The following NSUN3 variants were observed in gnomAD, a reference collection of about 807,000 sequenced individuals.
NSUN3 encodes tRNA (cytosine(34)-C(5))-methyltransferase, mitochondrial.
In NSUN3, 24 loss-of-function variants were observed where a neutral mutation model predicts 36.8. The observed-to-expected ratio is 0.65, with a 90% CI of 0.47 to 0.92. The LOEUF (loss-of-function observed/expected upper bound fraction) is 0.92. Among genes scored for constraint, NSUN3 ranks in the 40% least tolerant of loss-of-function variants. NSUN3 has a pLI of 0.00. For missense variants in NSUN3, 381 were observed against 392.8 expected (o/e 0.97, Z 0.25); for synonymous variants, 146 against 145.2 (o/e 1.01, Z -0.04).
At chr3:94,123,579 T>A (rs1263834004) in intron 5 of NSUN3, among the ~76,000 whole-genome samples, 1 of 152,162 alleles carries the variant, frequency 6.6e-6, no homozygotes, top group African/African-American at 2.4e-5. Context: ...GGGTGTTTTT[T>A]ATTCATTATA....
At chr3:94,087,752 C>G (rs1055243749) in intron 3 of NSUN3, among the ~76,000 whole-genome samples, 4 of 152,122 alleles carry the variant, frequency 2.6e-5, no homozygotes, top group Non-Finnish European at 4.4e-5. Flanking sequence ...CTCACTGCAG[C>G]CTTGACTTCC....
rs754390863 is a variant in NSUN3 at position 94,129,742 on chromosome 3, C to CTTTTTTTTTTTTT, written c.*3265_*3277dup. On this transcript the variant is annotated 3_prime_UTR_variant, in exon 6 of 6. Coordinates refer to ENST00000314622, the MANE Select transcript of NSUN3 (RefSeq NM_022072.5). ...TCTATAAATTGTTTATATATGTTGT[C>CTTTTTTTTTTTTT]TTTTTTTTTTTTTTTTTTTTTTTTT... Among the ~76,000 whole-genome samples, 2 of 89,926 alleles carry CTTTTTTTTTTTTT rather than the reference C, an allele frequency of 2.2e-5. No homozygotes were observed. The highest frequency in any genetic ancestry group is 4.2e-5 in the Non-Finnish European group (2 of 47,806). The allele number at this position is 89,926 out of a possible 152,430, so 59.0% of individuals were successfully genotyped here.
intron 3 of NSUN3, among the ~76,000 whole-genome samples, chr3:94,091,410 G>A (rs2077314464): frequency 6.6e-6 from 1 of 152,132 alleles, no homozygotes; most frequent in African/African-American, 2.4e-5. Context: ...AAAAAAGAAA[G>A]CCATCCAAGA....
At chr3:94,094,058 T>C (rs989685260) in intron 3 of NSUN3, 82 bp from the exon 4 acceptor site, 14 of 1,003,044 alleles carry the variant, frequency 1.4e-5, no homozygotes, top group African/African-American at 1.1e-4. Context: ...AGTTAATTTC[T>C]TTCTGAAATT....
rs2077490770 is a variant in NSUN3, at chr3:94,127,153, G to A, written c.*663G>A. 6.6e-6 allele frequency: 1 copy of A among 152,106 alleles called. No homozygotes were observed. The highest frequency in any genetic ancestry group is 1.5e-5 in the Non-Finnish European group (1 of 68,030). 9.4% of individuals were successfully genotyped at this position (152,106 alleles called of 1,614,324 possible). A position where few individuals can be genotyped will look rare whatever the true frequency, so the allele number is the denominator to read the frequency against. On this transcript the variant is annotated 3_prime_UTR_variant, in exon 6 of 6. Transcript: ENST00000314622. ...GGTAAATTATATTGAAAGGCCTTTA[G>A]AACAGCAGATTCACATGCACATGTT...
chr3:94,125,032 C>A (rs1018541011), intron 5 of NSUN3, among the ~76,000 whole-genome samples: 8 of 152,146 alleles, frequency 5.3e-5, no homozygotes, highest in Non-Finnish European at 1.0e-4. Flanking sequence ...ACCTTAACTT[C>A]CAAATACTTC....
intron 5 of NSUN3, among the ~76,000 whole-genome samples, chr3:94,109,227 A>G (rs906957275): frequency 6.6e-6 from 1 of 152,158 alleles, no homozygotes; most frequent in Non-Finnish European, 1.5e-5. Flanking sequence ...TTAAAAGGAA[A>G]TTTTATGATT....
At position 94,084,275 on chromosome 3, in the gene NSUN3, G is replaced by A. The variant is rs774474908; in HGVS notation, c.291G>A (p.Pro97=). 29 of 1,613,870 alleles carry A rather than the reference G, an allele frequency of 1.8e-5. No individual in the cohort carries two copies. Among genetic ancestry groups the A allele is most frequent in the East Asian group, 4.5e-5 (2 of 44,870 alleles). The change falls in exon 3 of 6, where the codon CCG becomes CCA. Residue 97 remains proline, a synonymous_variant. Transcript: ENST00000314622. ...KSVKCYLSRT[P]GRIPSERHQI... ...TGAAGTGTTACCTTAGCAGAACTCC[G>A]GGCCGAATCCCTTCAGAAAGACACC... is the stretch of plus-strand genomic sequence containing the variant.
intron 5 of NSUN3, among the ~76,000 whole-genome samples, chr3:94,098,237 A>G (rs1233725773): frequency 6.6e-6 from 1 of 152,098 alleles, no homozygotes; most frequent in African/African-American, 2.4e-5. Flanking sequence ...TGTACCTATT[A>G]CATGTGTCTC....
intron 5 of NSUN3, among the ~76,000 whole-genome samples, chr3:94,120,461 C>G (rs1454725979): frequency 6.6e-6 from 1 of 152,186 alleles, no homozygotes. Context: ...CACCATTCTA[C>G]TTTCTGTCTC....
rs79365649 is a variant in NSUN3 at position 94,111,035 on chromosome 3, G to T, written c.744-15176G>T. ...AAACATAGATGATTACATAAACCTA[G>T]ATGATACAGCCTACTACTACACACC... On this transcript the variant is annotated intron_variant, in intron 5 of 5. Coordinates refer to ENST00000314622, the MANE Select transcript of NSUN3 (RefSeq NM_022072.5). Among the ~76,000 whole-genome samples the T allele has an allele frequency of 2.9e-4, 44 of 152,218 alleles. No individual in the cohort carries two copies. In the East Asian group the frequency reaches 8.3e-3, roughly 29 times the overall value.
chr3:94,081,436 A>C (rs1178054049), intron 2 of NSUN3, among the ~76,000 whole-genome samples: 3 of 152,184 alleles, frequency 2.0e-5, no homozygotes, highest in Admixed American at 2.0e-4. Flanking sequence ...ATGGCTTCTC[A>C]TCACTTAGAA....
intron 5 of NSUN3, among the ~76,000 whole-genome samples, chr3:94,117,147 C>T (rs1021388162): frequency 4.6e-5 from 7 of 151,884 alleles, no homozygotes; most frequent in East Asian, 1.9e-4. Flanking sequence ...TATAGGCGCA[C>T]GCCACCACAC....
At chr3:94,070,973 A>G (rs2077223141) in intron 2 of NSUN3, among the ~76,000 whole-genome samples, 2 of 152,250 alleles carry the variant, frequency 1.3e-5, no homozygotes, top group Admixed American at 6.5e-5. Flanking sequence ...AGTAAGAAAC[A>G]TTGCTATAAC....
chr3:94,105,053 G>T (rs2077383211), intron 5 of NSUN3, among the ~76,000 whole-genome samples: 1 of 152,116 alleles, frequency 6.6e-6, no homozygotes, highest in Admixed American at 6.6e-5. Context: ...TGAAACATGG[G>T]AGCACATAAA....
At chr3:94,111,438 T>C (rs1560040214) in intron 5 of NSUN3, among the ~76,000 whole-genome samples, 1 of 152,186 alleles carries the variant, frequency 6.6e-6, no homozygotes, top group Non-Finnish European at 1.5e-5. Flanking sequence ...TACTGTAACT[T>C]TTTTACTTTA....
intron 2 of NSUN3, among the ~76,000 whole-genome samples, chr3:94,077,961 TTA>T (rs1193578757): frequency 6.6e-6 from 1 of 152,170 alleles, no homozygotes; most frequent in African/African-American, 2.4e-5. Flanking sequence ...CTGATCTTAG[TTA>T]TTTCTTGTCT....
intron 5 of NSUN3, among the ~76,000 whole-genome samples, chr3:94,108,928 G>A (rs1288022390): frequency 6.6e-6 from 1 of 152,220 alleles, no homozygotes; most frequent in African/African-American, 2.4e-5. Flanking sequence ...GCCTCCCAAA[G>A]TGCTGGGATT....
intron 5 of NSUN3, among the ~76,000 whole-genome samples, chr3:94,113,604 C>A (rs1339710735): frequency 6.6e-6 from 1 of 152,106 alleles, no homozygotes; most frequent in Non-Finnish European, 1.5e-5. Flanking sequence ...TTCCAGGAAG[C>A]CACATCAGAA....
Sources: gnomAD v4.1 joint callset for allele counts (sites outside exome capture counted in the v4.1 genomes callset) on GRCh38, gnomAD v4.1.1 for gene constraint, MANE v1.5 for transcripts, NCBI Gene and HGNC (gene_info 2026-07-23, HGNC 2026-07-21) for gene names.